The following SETD5 variants were observed in gnomAD, a reference collection of about 807,000 sequenced individuals.
SETD5 encodes the protein SET domain containing 5.
Under a neutral mutation model 153.3 loss-of-function variants are expected in SETD5, and 44 were observed. The ratio of observed to expected loss-of-function variants is 0.29; its 90% CI spans 0.23 to 0.37. SETD5 has a LOEUF of 0.37. Ranked by LOEUF, SETD5 falls within the 10% of genes least tolerant of loss-of-function variation. The probability of loss-of-function intolerance (pLI) is 1.00; values close to 1 mark genes in which losing one functional copy is unlikely to be tolerated. For missense variants in SETD5, 1,544 were observed against 1,768.0 expected, an observed-to-expected ratio of 0.87 and a Z score of 2.27; for synonymous variants, 716 against 645.2, an observed-to-expected ratio of 1.11 and a Z score of -1.66.
At chr3:9,467,551 A>T (rs538530913) in intron 18 of SETD5, among the ~76,000 whole-genome samples, 2 of 151,960 alleles carry the variant, frequency 1.3e-5, no homozygotes, top group East Asian at 3.9e-4. Context: ...CACAGCCAAA[A>T]CCCTGCTTTG....
intron 13 of SETD5, among the ~76,000 whole-genome samples, chr3:9,446,144 G>T (rs1297301713): frequency 6.6e-6 from 1 of 151,164 alleles, no homozygotes; most frequent in Non-Finnish European, 1.5e-5. Context: ...AAAATTAGCC[G>T]GGCGCGGTGG....
Position 9,476,070 on chromosome 3 carries a change from G to T in SETD5, c.4308G>T (p.Lys1436Asn), listed in dbSNP as rs906580962. 4 of 1,613,630 alleles carry T rather than the reference G, an allele frequency of 2.5e-6. No individual in the cohort carries two copies. The highest frequency in any genetic ancestry group is 1.1e-5 in the South Asian group (1 of 91,014). Reference sequence around the variant, plus strand: ...AGCCACTGCAAGGGTCAGGAGTCAAGACTCAGACGGGACTTTCCTAGGGCT... The same window carrying T: ...AGCCACTGCAAGGGTCAGGAGTCAATACTCAGACGGGACTTTCCTAGGGCT... ...RLQPLQGSGV[K>N]TQTGLS Residue 1436 changes from lysine to asparagine, a missense_variant, in exon 23 of 23, where the codon AAG (lysine) becomes AAT (asparagine). Lys to Asn is a moderately conservative substitution (Grantham distance 94). Around this residue, in one of 9 missense-constraint regions of SETD5, gnomAD observed 302 missense variants for 277.6 expected, o/e 1.09. Coordinates refer to ENST00000402198, the MANE Select transcript of SETD5 (RefSeq NM_001080517.3).
In SETD5 at chr3:9,434,386, G is replaced by A. The variant is rs41387348; in HGVS notation, c.230G>A (p.Arg77His). ...LNGLPSPVEE[R>H]CGDSPNSEGE... is the part of the protein sequence containing the mutation. Reference sequence around the variant, plus strand: ...GGCCTGCCGTCGCCTGTAGAGGAACGCTGTGGAGACAGCCCGAACTCTGAA... The same window carrying A: ...GGCCTGCCGTCGCCTGTAGAGGAACACTGTGGAGACAGCCCGAACTCTGAA... Residue 77 changes from arginine (R) to histidine (H), a missense_variant, in exon 5 of 23, where the codon CGC becomes CAC. Transcript: ENST00000402198. This position sits in a 1 kb window ranked among gnomAD's most constrained non-coding sequence, Gnocchi z 5.6. The A allele has an allele frequency of 1.0e-3, 1,629 of 1,613,902 alleles. 16 individuals are homozygous for A. The African/African-American group carries it at 0.02, about 20-fold the overall frequency.
intron 1 of SETD5, among the ~76,000 whole-genome samples, chr3:9,405,369 C>T (rs186174045): frequency 6.6e-6 from 1 of 152,092 alleles, no homozygotes; most frequent in Admixed American, 6.6e-5. Context: ...AAAATTAGAC[C>T]TCTATGTATG....
At chr3:9,472,151 T>C (rs975585114) in intron 19 of SETD5, among the ~76,000 whole-genome samples, 2 of 152,210 alleles carry the variant, frequency 1.3e-5, no homozygotes, top group African/African-American at 2.4e-5. Context: ...ATATTTACTA[T>C]GTGCAAAAGT....
chr3:9,470,475 A>T lies in SETD5; in HGVS notation c.2741A>T (p.Asp914Val), dbSNP rs1203275166. 6.2e-7 allele frequency: 1 copy of T among 1,610,886 alleles called. No homozygotes were observed. Among genetic ancestry groups the T allele is most frequent in the Admixed American group, 1.7e-5 (1 of 59,864 alleles). Residue 914 changes from aspartate to valine, a missense_variant, in exon 19 of 23, where the codon GAC (aspartate) becomes GTC (valine). By Grantham distance (152) the Asp-to-Val change is radical. Coordinates refer to ENST00000402198, the MANE Select transcript of SETD5 (RefSeq NM_001080517.3). ...PLQFELCHRK[D>V]LDLAKVGYLD... ...TTCTTTCAGCTTTGTCACCGAAAAG[A>T]CCTGGATTTGGCAAAAGTAGGATAC...
Position 9,473,380 on chromosome 3 carries a change from G to A in SETD5, c.3340G>A (p.Gly1114Ser). The A allele has an allele frequency of 6.2e-7, 1 of 1,613,930 alleles. No individual in the cohort carries two copies. Among genetic ancestry groups the A allele is most frequent in the Non-Finnish European group, 8.5e-7 (1 of 1,179,904 alleles). The stretch of plus-strand genomic sequence containing the variant: ...CTCCGTTTCCGACACTGGTGCCCAT[G>A]GTGTGCAGGGATCCTCAGCCCGAAC... ...SNSVSDTGAH[G>S]VQGSSARTPS... Residue 1114 changes from glycine (G) to serine (S), a missense_variant, in exon 20 of 23, where the codon GGT becomes AGT. Gly to Ser is a moderately conservative substitution (Grantham distance 56). Coordinates refer to ENST00000402198, the MANE Select transcript of SETD5 (RefSeq NM_001080517.3).
At position 9,473,520 on chromosome 3, in the gene SETD5, G is replaced by A. The variant is rs775544315; in HGVS notation, c.3480G>A (p.Glu1160=). The A allele has an allele frequency of 1.2e-6, 2 of 1,612,502 alleles. No homozygotes were observed. The highest frequency in any genetic ancestry group is 1.7e-6 in the Non-Finnish European group (2 of 1,179,260). The change falls in exon 20 of 23, where the codon GAG becomes GAA. Residue 1160 remains glutamate (E), a synonymous_variant. Transcript: ENST00000402198. ...GTSSSHCRPQ[E]NISSRWMVPT... is the part of the protein sequence containing the mutation. ...CTTCATCTCACTGCAGACCTCAAGA[G>A]AATATCAGCAGTAGGTGGTAAGTTT...
intron 2 of SETD5, chr3:9,426,172 A>G (rs894017118): frequency 7.5e-5 from 10 of 132,846 alleles, no homozygotes; most frequent in African/African-American, 2.5e-4. Context: ...GGAAACATAC[A>G]TGTGTAAGAC....
chr3:9,454,769 C>T lies in SETD5; in HGVS notation c.2476+901C>T, dbSNP rs1039727696. The stretch of plus-strand genomic sequence containing the variant: ...GACTTGCAAAGGATGTAATTGAAAG[C>T]ACTTGTGATATCTTAATGTATTTTG... On this transcript the variant is annotated intron_variant, in intron 17 of 22. Coordinates refer to ENST00000402198, the MANE Select transcript of SETD5 (RefSeq NM_001080517.3). Among the ~76,000 whole-genome samples the T allele has an allele frequency of 2.6e-5, 4 of 151,342 alleles. No homozygotes were observed. The East Asian group carries it at 5.9e-4, about 22-fold the overall frequency.
intron 16 of SETD5, 70 bp downstream of exon 16, chr3:9,448,700 C>T (rs1252561812): frequency 7.2e-7 from 1 of 1,381,368 alleles, no homozygotes; most frequent in Non-Finnish European, 9.6e-7. Flanking sequence ...CCTAAGATTC[C>T]TATCATCATG....
At chr3:9,464,360 C>T in intron 17 of SETD5, 65 bp from the exon 18 acceptor site, 1 of 1,554,360 alleles carries the variant, frequency 6.4e-7, no homozygotes, top group East Asian at 2.3e-5. Context: ...AGATTAATGG[C>T]TTTACTGTAG....
At chr3:9,419,754 G>C (rs1295656683) in intron 1 of SETD5, among the ~76,000 whole-genome samples, 1 of 151,914 alleles carries the variant, frequency 6.6e-6, no homozygotes, top group African/African-American at 2.4e-5. Flanking sequence ...TTTGTTCATC[G>C]GTTGGAGAAA....
intron 18 of SETD5, among the ~76,000 whole-genome samples, chr3:9,466,227 G>C (rs1430627841): frequency 2.7e-5 from 4 of 147,132 alleles, no homozygotes; most frequent in African/African-American, 5.1e-5. Context: ...GGCGGAGCTT[G>C]CAGTGAGCCG....
chr3:9,434,747 A>G lies in SETD5; in HGVS notation c.330-77A>G. 1 of 1,518,520 alleles carries G rather than the reference A, an allele frequency of 6.6e-7. No individual in the cohort carries two copies. Among genetic ancestry groups the G allele is most frequent in the Non-Finnish European group, 8.9e-7 (1 of 1,128,026 alleles). The allele number at this position is 1,518,520 out of a possible 1,614,324, so 94.1% of individuals were successfully genotyped here. Reference sequence around the variant, plus strand: ...GGGAGGGAGGGGGTAGCATATGCAGAGACACTTCGCCCATGTGTGCTATGA... The same window carrying G: ...GGGAGGGAGGGGGTAGCATATGCAGGGACACTTCGCCCATGTGTGCTATGA... On this transcript the variant is annotated intron_variant, in intron 5 of 22. Transcript: ENST00000402198. The surrounding 1 kb of genome is among the most constrained non-coding windows in gnomAD (Gnocchi z 5.6).
chr3:9,440,692 A>G lies in SETD5; in HGVS notation c.804A>G (p.Gln268=). The stretch of plus-strand genomic sequence containing the variant: ...GTAATAACACAGTTATTGGTTCCCA[A>G]ATGCAGGTAAGCACCAAAGGGTTGA... ...LACNNTVIGS[Q]MQLQLGRVTR... is the part of the protein sequence containing the mutation. The change falls in exon 8 of 23, where the codon CAA becomes CAG. Residue 268 remains glutamine (Q), a synonymous_variant. Transcript: ENST00000402198. 2 of 1,612,740 alleles carry G rather than the reference A, an allele frequency of 1.2e-6. No homozygotes were observed. Among genetic ancestry groups the G allele is most frequent in the Non-Finnish European group, 1.7e-6 (2 of 1,179,340 alleles).
chr3:9,439,228 T>G (rs1364218041), intron 7 of SETD5, among the ~76,000 whole-genome samples: 1 of 152,228 alleles, frequency 6.6e-6, no homozygotes, highest in Non-Finnish European at 1.5e-5. Flanking sequence ...TGGCTTTAGG[T>G]GTTTCTTTAG....
At position 9,445,112 on chromosome 3, in the gene SETD5, C is replaced by T. The variant is rs759526570; in HGVS notation, c.1252C>T (p.Pro418Ser). 2 of 1,613,980 alleles carry T rather than the reference C, an allele frequency of 1.2e-6. No individual in the cohort carries two copies. The highest frequency in any genetic ancestry group is 2.2e-5 in the South Asian group (2 of 91,080). The change falls in exon 12 of 23, where the codon CCT becomes TCT. Residue 418 changes from proline (P) to serine (S), a missense_variant. Physicochemically the swap from Pro to Ser is moderately conservative, Grantham distance 74. This residue lies in a region of SETD5 where 782 missense variants were observed against 787.2 expected (regional missense o/e 0.99). Transcript: ENST00000402198. ...NRNCPIQKRN[P>S]NATELPLLPP... ...GAATTGTCCTATACAAAAAAGGAAT[C>T]CTAATGCTACAGAACTGCCACTCCT...
At chr3:9,426,423 G>T (rs2039256223) in intron 2 of SETD5, among the ~76,000 whole-genome samples, 1 of 149,932 alleles carries the variant, frequency 6.7e-6, no homozygotes, top group Non-Finnish European at 1.5e-5. Flanking sequence ...TTGAGATGGA[G>T]TCTCACTCTG....
Sources: allele counts gnomAD v4.1 joint callset (sites outside exome capture counted in the v4.1 genomes callset), GRCh38; gene constraint gnomAD v4.1.1; regional missense constraint gnomAD v4.1.1; non-coding constraint Gnocchi (gnomAD v3.1); transcripts MANE v1.5; gene names NCBI Gene and HGNC (gene_info 2026-07-23, HGNC 2026-07-21).